The following CARF variants were observed in gnomAD, a reference collection of about 807,000 sequenced individuals.
CARF encodes the protein calcium-responsive transcription factor.
CARF carries 57 observed loss-of-function variants against 82.0 expected under a neutral mutation model. The ratio of observed to expected loss-of-function variants is 0.70; its 90% confidence interval spans 0.56 to 0.87. The LOEUF (loss-of-function observed/expected upper bound fraction) is 0.87, where lower values mean the gene tolerates loss of function less well. CARF is among the 40% of genes least tolerant of loss of function. The pLI is 0.00. For synonymous variants in CARF, 268 were observed against 290.1 expected (o/e 0.92, Z 0.77); for missense variants, 771 against 855.8 (o/e 0.90, Z 1.24).
At position 202,985,865 on chromosome 2, in the gene CARF, A is replaced by C. The variant is rs1246053530; in HGVS notation, c.*2241A>C. ...ATTTGCAAAGGAGAAATGCTTGTTA[A>C]TATACAAACTCTAGTCAGTTACCTG... is the stretch of plus-strand genomic sequence containing the variant. On this transcript the variant is annotated 3_prime_UTR_variant, in exon 17 of 17. Transcript: ENST00000438828. 2.6e-5 allele frequency: 4 copies of C among 152,154 alleles called. No homozygotes were observed. Among genetic ancestry groups the C allele is most frequent in the African/African-American group, 9.6e-5 (4 of 41,456 alleles). The allele number at this position is 152,154 out of a possible 1,614,324, so 9.4% of individuals were successfully genotyped here.
intron 1 of CARF, among the ~76,000 whole-genome samples, chr2:202,917,268 C>A (rs1341185879): frequency 6.8e-6 from 1 of 146,798 alleles, no homozygotes; most frequent in African/African-American, 2.5e-5. Flanking sequence ...AGATGCTTTC[C>A]AATCTTTACT....
intron 5 of CARF, among the ~76,000 whole-genome samples, chr2:202,949,912 A>G (rs1436980426): frequency 2.0e-5 from 3 of 152,156 alleles, no homozygotes; most frequent in African/African-American, 7.2e-5. Flanking sequence ...TCTGCAATGG[A>G]TGAAGATGTT....
chr2:202,942,978 T>G lies in CARF; in HGVS notation c.306+11T>G. The G allele has an allele frequency of 6.2e-7, 1 of 1,605,530 alleles. No homozygotes were observed. On this transcript the variant is annotated intron_variant, in intron 5 of 16. Transcript: ENST00000438828. ...TCCAATGCACAAATGGTGAGTATAT[T>G]TTATAAGTAACCAGTTTTATGCCGT... is the stretch of plus-strand genomic sequence containing the variant.
chr2:202,948,236 TG>T (rs1254711138), intron 5 of CARF, among the ~76,000 whole-genome samples: 1 of 152,230 alleles, frequency 6.6e-6, no homozygotes, highest in Non-Finnish European at 1.5e-5. Flanking sequence ...ACCAGTACCA[TG>T]CTGTTTTGGT....
chr2:202,928,664 G>A (rs57371755), intron 3 of CARF, among the ~76,000 whole-genome samples: 5,941 of 152,074 alleles, frequency 0.039, 377 homozygotes, highest in African/African-American at 0.13. Context: ...CATTCTAACC[G>A]AGGTGAGATG....
At chr2:202,967,783 T>C (rs970699297) in intron 10 of CARF, among the ~76,000 whole-genome samples, 1 of 152,218 alleles carries the variant, frequency 6.6e-6, no homozygotes, top group African/African-American at 2.4e-5. Context: ...TTTAAAAATG[T>C]TGACAAATAT....
At chr2:202,983,394 G>A in intron 16 of CARF, 112 bp from the exon 17 acceptor site, 1 of 688,472 alleles carries the variant, frequency 1.5e-6, no homozygotes, top group Non-Finnish European at 2.4e-6. Flanking sequence ...AGTTTGCTTT[G>A]AAGAACAAAA....
Position 202,982,402 on chromosome 2 carries a change from A to T in CARF, c.2020A>T (p.Thr674Ser), listed in dbSNP as rs771645679. The change falls in exon 16 of 17, where the codon ACT becomes TCT. Residue 674 changes from threonine to serine, a missense_variant. Physicochemically the swap from Thr to Ser is moderately conservative, Grantham distance 58. Coordinates refer to ENST00000438828, the MANE Select transcript of CARF (RefSeq NM_024744.17). ...VHRILLGDVQ[T>S]IPIQIIDNHS... Reference sequence around the variant, plus strand: ...TCGGATTCTGTTGGGAGATGTGCAGACTATTCCAATACAGATTATAGACAA... The same window carrying T: ...TCGGATTCTGTTGGGAGATGTGCAGTCTATTCCAATACAGATTATAGACAA... 1.9e-6 allele frequency: 3 copies of T among 1,614,098 alleles called. No individual in the cohort carries two copies. The Admixed American group carries it at 5.0e-5, about 27-fold the overall frequency.
rs2058661374 is a variant in CARF at position 202,949,520 on chromosome 2, TTATTATTATTATTA to T, written c.307-3037_307-3024del. On this transcript the variant is annotated intron_variant, in intron 5 of 16. Coordinates refer to ENST00000438828, the MANE Select transcript of CARF (RefSeq NM_024744.17). ...AATATGACTTTTTGTTATTTATTTA[TTATTATTATTATTA>T]TTATTATTATTATTATTATTATTAT... 1.1e-3 allele frequency among the ~76,000 whole-genome samples: 99 copies of T among 89,964 alleles called. 1 individual carries two copies. Among genetic ancestry groups the T allele is most frequent in the Middle Eastern group, 5.1e-3 (1 of 198 alleles). The allele number at this position is 89,964 out of a possible 152,430, so 59.0% of individuals were successfully genotyped here.
intron 3 of CARF, among the ~76,000 whole-genome samples, chr2:202,927,026 G>A (rs1211995959): frequency 6.6e-6 from 1 of 152,048 alleles, no homozygotes; most frequent in Non-Finnish European, 1.5e-5. Context: ...TGTTGCCCGT[G>A]GCTGGTCTCG....
At position 202,985,148 on chromosome 2, in the gene CARF, T is replaced by A. The variant is rs181533206; in HGVS notation, c.*1524T>A. On this transcript the variant is annotated 3_prime_UTR_variant, in exon 17 of 17. Coordinates refer to ENST00000438828, the MANE Select transcript of CARF (RefSeq NM_024744.17). ...CTTTTGTTTCTCCAGAGACCATTTGTGGGTATATTTTATATTTTAAAAATA... is the reference window on the plus strand; with the variant it reads ...CTTTTGTTTCTCCAGAGACCATTTGAGGGTATATTTTATATTTTAAAAATA... The A allele has an allele frequency of 3.3e-5, 5 of 152,220 alleles. No individual in the cohort carries two copies. The East Asian group carries it at 9.6e-4, about 29-fold the overall frequency. 9.4% of individuals were successfully genotyped at this position (152,220 alleles called of 1,614,324 possible).
At chr2:202,964,900 TAC>T (rs1553568430) in intron 9 of CARF, among the ~76,000 whole-genome samples, 35 of 146,056 alleles carry the variant, frequency 2.4e-4, no homozygotes, top group African/African-American at 6.9e-4. Flanking sequence ...TATATATATA[TAC>T]ACACACACAC....
At chr2:202,964,263 T>A (rs1388303841) in intron 9 of CARF, among the ~76,000 whole-genome samples, 1 of 151,704 alleles carries the variant, frequency 6.6e-6, no homozygotes, top group African/African-American at 2.4e-5. Context: ...GCCAGATGTT[T>A]AAAAATCTTT....
At position 202,918,006 on chromosome 2, in the gene CARF, T is replaced by C. The variant is rs1372316984; in HGVS notation, c.-200T>C. ...GACATTTCTGGGGGTAGTAGAATGC[T>C]TGAGGCCTGGAATTTAAACCTGAGC... On this transcript the variant is annotated 5_prime_UTR_variant, in exon 2 of 17. Coordinates refer to ENST00000438828, the MANE Select transcript of CARF (RefSeq NM_024744.17). 2.2e-6 allele frequency: 1 copy of C among 452,242 alleles called. No individual in the cohort carries two copies. The highest frequency in any genetic ancestry group is 4.4e-6 in the Non-Finnish European group (1 of 225,524). The allele number at this position is 452,242 out of a possible 1,614,324, so 28.0% of individuals were successfully genotyped here.
intron 9 of CARF, chr2:202,961,633 TAA>T: frequency 1.8e-6 from 1 of 552,234 alleles, no homozygotes; most frequent in Non-Finnish European, 3.2e-6. Flanking sequence ...AATGAATAAA[TAA>T]GACTTCTTTC....
chr2:202,979,432 G>C (rs1282550491), intron 14 of CARF, among the ~76,000 whole-genome samples: 1 of 152,124 alleles, frequency 6.6e-6, no homozygotes, highest in Non-Finnish European at 1.5e-5. Flanking sequence ...CATGATTGCT[G>C]TTTAGTCCTC....
intron 3 of CARF, chr2:202,925,253 A>G: frequency 2.7e-6 from 1 of 366,706 alleles, no homozygotes; most frequent in South Asian, 2.4e-5. Flanking sequence ...GCTTACATGA[A>G]CAAGGTAGAG....
At chr2:202,914,053 A>C (rs1689142387) in intron 1 of CARF, among the ~76,000 whole-genome samples, 1 of 152,128 alleles carries the variant, frequency 6.6e-6, no homozygotes, top group South Asian at 2.1e-4. Context: ...TTTTTTCAAC[A>C]ATGATTTATG....
At chr2:202,976,009 C>A (rs12994357) in intron 13 of CARF, among the ~76,000 whole-genome samples, 15 of 152,048 alleles carry the variant, frequency 9.9e-5, no homozygotes, top group African/African-American at 1.7e-4. Context: ...CATGCCGTTG[C>A]ACTCCAGCCT....
Sources: gnomAD v4.1 joint callset for allele counts (sites outside exome capture counted in the v4.1 genomes callset) on GRCh38, gnomAD v4.1.1 for gene constraint, MANE v1.5 for transcripts, NCBI Gene and HGNC (gene_info 2026-07-23, HGNC 2026-07-21) for gene names.